ARHGAP42: variants seen among roughly 807,000 people sequenced by gnomAD.
ARHGAP42 encodes the protein rho GTPase-activating protein 42.
A neutral mutation model predicts 125.0 loss-of-function variants in ARHGAP42; 63 were observed. That is an observed-to-expected ratio of 0.50 (90% CI 0.41 to 0.62). The LOEUF (loss-of-function observed/expected upper bound fraction) is 0.62, where lower values mean the gene tolerates loss of function less well. Among genes scored for constraint, ARHGAP42 ranks in the 20% least tolerant of loss-of-function variants. ARHGAP42 has a pLI of 0.00. For missense variants in ARHGAP42, 766 were observed against 1,024.2 expected, an observed-to-expected ratio of 0.75 and a Z score of 3.44; for synonymous variants, 339 against 351.0, an observed-to-expected ratio of 0.97 and a Z score of 0.38.
chr11:100,687,654 G>A lies in ARHGAP42; in HGVS notation c.-25G>A, dbSNP rs1861108272. On this transcript the variant is annotated 5_prime_UTR_variant, in exon 1 of 24. Transcript: ENST00000298815. ...TGACCTCCGGCCCGGACGTGTCCGCGGCCGCCGCTGGCAGCGCCTGTGCCA... is the reference window on the plus strand; with the variant it reads ...TGACCTCCGGCCCGGACGTGTCCGCAGCCGCCGCTGGCAGCGCCTGTGCCA... 1.4e-6 allele frequency: 2 copies of A among 1,424,092 alleles called. No homozygotes were observed. Among genetic ancestry groups the A allele is most frequent in the Non-Finnish European group, 1.9e-6 (2 of 1,077,534 alleles). 88.2% of individuals were successfully genotyped at this position (1,424,092 alleles called of 1,614,324 possible).
chr11:100,742,053 G>T (rs7111733), intron 1 of ARHGAP42, among the ~76,000 whole-genome samples: 2 of 152,078 alleles, frequency 1.3e-5, no homozygotes, highest in African/African-American at 4.8e-5. Flanking sequence ...CTCCCCTTCC[G>T]TTTCCCCAAA....
chr11:100,956,057 G>A (rs902758743), intron 12 of ARHGAP42, among the ~76,000 whole-genome samples: 1 of 151,974 alleles, frequency 6.6e-6, no homozygotes, highest in Non-Finnish European at 1.5e-5. Context: ...GAAATTGCTG[G>A]GTGCTCAAGT....
intron 16 of ARHGAP42, 127 bp downstream of exon 16, chr11:100,962,594 G>C: frequency 1.1e-6 from 1 of 871,968 alleles, no homozygotes; most frequent in Non-Finnish European, 1.7e-6. Context: ...TTGTTAATCT[G>C]GGCCGGGTGC....
intron 3 of ARHGAP42, chr11:100,839,823 T>C (rs1864901547): frequency 6.6e-6 from 1 of 152,178 alleles, no homozygotes; most frequent in Non-Finnish European, 1.5e-5. Flanking sequence ...CAAGGGTATA[T>C]GAGTAGCTGC....
chr11:100,700,526 A>G (rs1419527899), intron 1 of ARHGAP42, among the ~76,000 whole-genome samples: 6 of 152,194 alleles, frequency 3.9e-5, no homozygotes, highest in Non-Finnish European at 7.4e-5. Context: ...ATTTTTATTA[A>G]GTAAGTTTAT....
At chr11:100,923,698 T>A (rs1867342851) in intron 6 of ARHGAP42, among the ~76,000 whole-genome samples, 1 of 152,148 alleles carries the variant, frequency 6.6e-6, no homozygotes. Flanking sequence ...GATGTCCTGT[T>A]AAGTCTTCTG....
intron 2 of ARHGAP42, among the ~76,000 whole-genome samples, chr11:100,786,808 GA>G (rs1224576403): frequency 6.6e-6 from 1 of 152,172 alleles, no homozygotes; most frequent in Non-Finnish European, 1.5e-5. Context: ...CTGGCTTACA[GA>G]AGGTTTCTTT....
In ARHGAP42 at chr11:100,923,009, A is replaced by G. The variant is rs181099498; in HGVS notation, c.597+1405A>G. 1.7e-3 allele frequency among the ~76,000 whole-genome samples: 258 copies of G among 152,362 alleles called. 7 individuals are homozygous for G. Among genetic ancestry groups the G allele is most frequent in the Non-Finnish European group, 1.7e-3 (116 of 68,036 alleles). Reference sequence around the variant, plus strand: ...CTTAATCCTTAAATCCCCTAGCATTATCCTCTTATATAGTGGACCCTTTAA... The same window carrying G: ...CTTAATCCTTAAATCCCCTAGCATTGTCCTCTTATATAGTGGACCCTTTAA... On this transcript the variant is annotated intron_variant, in intron 6 of 23. Transcript: ENST00000298815.
At chr11:100,771,668 G>A (rs555013937) in intron 2 of ARHGAP42, among the ~76,000 whole-genome samples, 70 of 151,646 alleles carry the variant, frequency 4.6e-4, no homozygotes, top group African/African-American at 1.5e-3. Context: ...GCACGATCTC[G>A]GCTCACTGCA....
intron 22 of ARHGAP42, among the ~76,000 whole-genome samples, chr11:100,984,267 C>T (rs1218180847): frequency 6.6e-6 from 1 of 151,960 alleles, no homozygotes; most frequent in Non-Finnish European, 1.5e-5. Context: ...AACATTGTTT[C>T]ATTACATGAG....
chr11:100,791,729 C>G (rs1376206103), intron 2 of ARHGAP42, among the ~76,000 whole-genome samples: 1 of 151,334 alleles, frequency 6.6e-6, no homozygotes, highest in Non-Finnish European at 1.5e-5. Flanking sequence ...AGATTGGGGC[C>G]AGTCTCAGAA....
At chr11:100,773,212 T>G (rs1863023978) in intron 2 of ARHGAP42, among the ~76,000 whole-genome samples, 1 of 152,204 alleles carries the variant, frequency 6.6e-6, no homozygotes, top group South Asian at 2.1e-4. Flanking sequence ...CCTTTTAGCC[T>G]TAGCGCTTGA....
chr11:100,793,353 A>G (rs1379808745), intron 2 of ARHGAP42, among the ~76,000 whole-genome samples: 1 of 152,224 alleles, frequency 6.6e-6, no homozygotes, highest in Non-Finnish European at 1.5e-5. Flanking sequence ...CAAAATGGGA[A>G]TGTATTATAA....
At chr11:100,856,228 A>G (rs1283446561) in intron 3 of ARHGAP42, among the ~76,000 whole-genome samples, 1 of 152,092 alleles carries the variant, frequency 6.6e-6, no homozygotes, top group Non-Finnish European at 1.5e-5. Flanking sequence ...GTTTGTCACC[A>G]TCGTTGTACT....
intron 4 of ARHGAP42, among the ~76,000 whole-genome samples, chr11:100,890,343 A>T (rs1591271069): frequency 1.3e-5 from 2 of 152,044 alleles, no homozygotes; most frequent in African/African-American, 4.8e-5. Flanking sequence ...TCATGGTTTC[A>T]TTGTTTTTTT....
chr11:100,933,390 A>C, intron 7 of ARHGAP42, 130 bp downstream of exon 7: 1 of 530,228 alleles, frequency 1.9e-6, no homozygotes. Flanking sequence ...TTAGTTAGAA[A>C]AATTTATACT....
intron 1 of ARHGAP42, among the ~76,000 whole-genome samples, chr11:100,749,266 G>A (rs189309592): frequency 1.3e-5 from 2 of 151,802 alleles, no homozygotes; most frequent in African/African-American, 2.4e-5. Context: ...GTCCTGGAAG[G>A]CTCAACCTCT....
intron 4 of ARHGAP42, among the ~76,000 whole-genome samples, chr11:100,860,218 C>T (rs1162628338): frequency 6.6e-6 from 1 of 151,964 alleles, no homozygotes; most frequent in African/African-American, 2.4e-5. Flanking sequence ...AATCATCTCC[C>T]ATCCTTCCCT....
intron 4 of ARHGAP42, among the ~76,000 whole-genome samples, chr11:100,873,321 A>G (rs1469358727): frequency 1.3e-5 from 2 of 152,200 alleles, no homozygotes; most frequent in Non-Finnish European, 2.9e-5. Context: ...TTTAGCAAGT[A>G]TATGTGCTAA....
Sources: allele counts gnomAD v4.1 joint callset (sites outside exome capture counted in the v4.1 genomes callset), GRCh38; gene constraint gnomAD v4.1.1; transcripts MANE v1.5; gene names NCBI Gene and HGNC (gene_info 2026-07-23, HGNC 2026-07-21).